Variants in SLC9A1 observed in about 807,000 individuals in gnomAD.
SLC9A1 encodes the protein sodium/hydrogen exchanger 1.
A neutral mutation model predicts 67.9 loss-of-function variants in SLC9A1; 22 were observed. The ratio of observed to expected loss-of-function variants is 0.32; its 90% CI spans 0.23 to 0.46. SLC9A1 has a LOEUF of 0.46. Among genes scored for constraint, SLC9A1 ranks in the 20% least tolerant of loss-of-function variants. SLC9A1 has a pLI of 1.00. For missense variants in SLC9A1, 686 were observed against 1,094.8 expected, an observed-to-expected ratio of 0.63 and a Z score of 5.27; for synonymous variants, 421 against 471.8, an observed-to-expected ratio of 0.89 and a Z score of 1.40.
At chr1:27,124,122 G>A (rs1476589457) in intron 1 of SLC9A1, among the ~76,000 whole-genome samples, 1 of 152,088 alleles carries the variant, frequency 6.6e-6, no homozygotes, top group Non-Finnish European at 1.5e-5. Flanking sequence ...CCAGACTGCT[G>A]TCAGGACTTA....
chr1:27,107,655 G>A lies in SLC9A1; in HGVS notation c.1275C>T (p.Arg425=), dbSNP rs370187243. The change falls in exon 4 of 12, where the codon CGC becomes CGT. Residue 425 remains arginine (R), a synonymous_variant. Coordinates refer to ENST00000263980, the MANE Select transcript of SLC9A1 (RefSeq NM_003047.5). The part of the protein sequence containing the change: ...ISTLLFCLIA[R]VLGVLGLTWF... ...CCCAGCCCTGGCCCTCACCCAGCAC[G>A]CGGGCGATGAGGCAGAAGAGCAGGG... is the stretch of plus-strand genomic sequence containing the variant. 6.7e-6 allele frequency: 10 copies of A among 1,484,798 alleles called. No individual in the cohort carries two copies. Among genetic ancestry groups the A allele is most frequent in the East Asian group, 5.4e-5 (2 of 36,726 alleles). The allele number at this position is 1,484,798 out of a possible 1,614,324, so 92.0% of individuals were successfully genotyped here. A position where few individuals can be genotyped will look rare whatever the true frequency, so the allele number is the denominator to read the frequency against.
Position 27,106,143 on chromosome 1 carries a change from C to T in SLC9A1, c.1283-56G>A. 1 of 1,127,214 alleles carries T rather than the reference C, an allele frequency of 8.9e-7. No homozygotes were observed. Among genetic ancestry groups the T allele is most frequent in the Non-Finnish European group, 1.3e-6 (1 of 758,752 alleles). The allele number at this position is 1,127,214 out of a possible 1,614,324, so 69.8% of individuals were successfully genotyped here. ...CAGGTCGGGCTGTCCCCAGTCCCTC[C>T]TGGATTCTGCATCAGTGATTTCTCT... On this transcript the variant is annotated intron_variant, in intron 4 of 11. Coordinates refer to ENST00000263980, the MANE Select transcript of SLC9A1 (RefSeq NM_003047.5). This position sits in a 1 kb window ranked among gnomAD's most constrained non-coding sequence, Gnocchi z 4.3.
chr1:27,136,723 C>T (rs2083422771), intron 1 of SLC9A1, among the ~76,000 whole-genome samples: 1 of 152,196 alleles, frequency 6.6e-6, no homozygotes, highest in South Asian at 2.1e-4. Context: ...CAAACAATTT[C>T]CTGCAGTTTC....
chr1:27,129,734 C>T (rs1015195493), intron 1 of SLC9A1, among the ~76,000 whole-genome samples: 4 of 152,204 alleles, frequency 2.6e-5, no homozygotes, highest in African/African-American at 9.7e-5. Flanking sequence ...CACTCCAAAA[C>T]TGGTCCTTGC....
In SLC9A1 at chr1:27,107,270, C is replaced by T. The variant is rs1378233631; in HGVS notation, c.1282+378G>A. On this transcript the variant is annotated intron_variant, in intron 4 of 11. Transcript: ENST00000263980. ...CACCCAGCCCTTCCACATATACACC[C>T]AGCCCCTCCACACAACTATACACAC... 1.2e-4 allele frequency among the ~76,000 whole-genome samples: 18 copies of T among 148,522 alleles called. 1 individual carries two copies. The highest frequency in any genetic ancestry group is 4.0e-4 in the African/African-American group (16 of 40,154).
At chr1:27,108,718 CCT>C (rs1194092222) in intron 3 of SLC9A1, among the ~76,000 whole-genome samples, 2 of 152,090 alleles carry the variant, frequency 1.3e-5, no homozygotes, top group Non-Finnish European at 2.9e-5. Context: ...TCACCTCTCC[CCT>C]GTCACGCTGC....
chr1:27,128,539 C>G (rs2083361272), intron 1 of SLC9A1, among the ~76,000 whole-genome samples: 1 of 151,874 alleles, frequency 6.6e-6, no homozygotes, highest in African/African-American at 2.4e-5. Context: ...ACCTGTAGTC[C>G]CAGCTACTAG....
chr1:27,146,174 G>A (rs2083484237), intron 1 of SLC9A1, among the ~76,000 whole-genome samples: 2 of 152,104 alleles, frequency 1.3e-5, no homozygotes, highest in African/African-American at 2.4e-5. Context: ...TGTGCTGAGC[G>A]AGCCTTCTCT....
rs1173727619 is a variant in SLC9A1, at chr1:27,106,872, A to G, written c.1282+776T>C. Reference sequence around the variant, plus strand: ...GGGTTCTGTGGGCCTCAGGCCCCTCATCAGGACAGCCACAGCCACAGGCTC... The same window carrying G: ...GGGTTCTGTGGGCCTCAGGCCCCTCGTCAGGACAGCCACAGCCACAGGCTC... On this transcript the variant is annotated intron_variant, in intron 4 of 11. Transcript: ENST00000263980. This position sits in a 1 kb window ranked among gnomAD's most constrained non-coding sequence, Gnocchi z 4.3. 1.3e-5 allele frequency among the ~76,000 whole-genome samples: 2 copies of G among 151,942 alleles called. No individual in the cohort carries two copies. Among genetic ancestry groups the G allele is most frequent in the Non-Finnish European group, 2.9e-5 (2 of 67,934 alleles).
chr1:27,136,551 C>T (rs532479274), intron 1 of SLC9A1, among the ~76,000 whole-genome samples: 1 of 152,260 alleles, frequency 6.6e-6, no homozygotes, highest in South Asian at 2.1e-4. Context: ...AGGGACTCAG[C>T]TCCCCCAGAA....
intron 4 of SLC9A1, among the ~76,000 whole-genome samples, chr1:27,107,425 C>T (rs969902723): frequency 6.6e-6 from 1 of 150,382 alleles, no homozygotes; most frequent in African/African-American, 2.4e-5. Flanking sequence ...TCCAGCCCCC[C>T]TACAATGCAC....
At chr1:27,147,299 C>CAAACAAAAAA (rs1491220156) in intron 1 of SLC9A1, among the ~76,000 whole-genome samples, 1 of 43,958 alleles carries the variant, frequency 2.3e-5, no homozygotes, top group Non-Finnish European at 4.0e-5. Flanking sequence ...GACTCTGTCT[C>CAAACAAAAAA]AAAAAAAAAA....
At position 27,101,744 on chromosome 1, in the gene SLC9A1, G is replaced by A. The variant is rs778991502; in HGVS notation, c.2018C>T (p.Ala673Val). Residue 673 changes from alanine to valine, a missense_variant, in exon 10 of 12, where the codon GCC (alanine) becomes GTC (valine). Transcript: ENST00000263980. The surrounding 1 kb of genome is among the most constrained non-coding windows in gnomAD (Gnocchi z 4.9). Reference protein sequence around the residue: ...WNQMLLRRQKARQLEQKINNY... With the variant: ...WNQMLLRRQKVRQLEQKINNY... ...GGCTACCTTCTGCTCCAGCTGCCGG[G>A]CCTTCTGCCTCCGGAGCAGCATCTG... The A allele has an allele frequency of 7.4e-6, 12 of 1,612,224 alleles. No homozygotes were observed. In the South Asian group the frequency reaches 1.3e-4, roughly 18 times the overall value.
intron 1 of SLC9A1, among the ~76,000 whole-genome samples, chr1:27,126,076 G>A (rs888519242): frequency 4.6e-5 from 7 of 152,126 alleles, no homozygotes; most frequent in Admixed American, 1.3e-4. Flanking sequence ...CCCTGTGCCT[G>A]AGACACTATT....
At chr1:27,124,616 G>A (rs1376780957) in intron 1 of SLC9A1, among the ~76,000 whole-genome samples, 3 of 152,194 alleles carry the variant, frequency 2.0e-5, no homozygotes, top group African/African-American at 7.2e-5. Context: ...AAACACAGGC[G>A]GCACTGGCTG....
intron 1 of SLC9A1, 152 bp downstream of exon 1, chr1:27,153,831 G>C: frequency 1.7e-6 from 1 of 576,276 alleles, no homozygotes; most frequent in African/African-American, 1.9e-5. Flanking sequence ...CAGAACTGGA[G>C]CCTGAGAAGG....
At chr1:27,135,429 G>A (rs1036463250) in intron 1 of SLC9A1, among the ~76,000 whole-genome samples, 13 of 150,676 alleles carry the variant, frequency 8.6e-5, no homozygotes, top group African/African-American at 2.0e-4. Context: ...TGCTCGGCCC[G>A]AGAAGCAAGG....
intron 1 of SLC9A1, among the ~76,000 whole-genome samples, chr1:27,126,606 G>A (rs2083345839): frequency 6.6e-6 from 1 of 152,106 alleles, no homozygotes; most frequent in African/African-American, 2.4e-5. Flanking sequence ...CGGCACAGCT[G>A]GTTGGTCTGT....
chr1:27,139,401 C>T (rs2083439505), intron 1 of SLC9A1, among the ~76,000 whole-genome samples: 1 of 152,210 alleles, frequency 6.6e-6, no homozygotes, highest in African/African-American at 2.4e-5. Context: ...TTTCACTTTC[C>T]TAAAGTAGCT....
Sources: allele counts gnomAD v4.1 joint callset (sites outside exome capture counted in the v4.1 genomes callset), GRCh38; gene constraint gnomAD v4.1.1; non-coding constraint Gnocchi (gnomAD v3.1); transcripts MANE v1.5; gene names NCBI Gene and HGNC (gene_info 2026-07-23, HGNC 2026-07-21).